The following DMD variants were observed in gnomAD, a reference collection of about 807,000 sequenced individuals.
DMD encodes dystrophin, also known as mutant dystrophin.
In DMD, 63 loss-of-function variants were observed where a neutral mutation model predicts 330.1. The ratio of observed to expected loss-of-function variants is 0.19; its 90% confidence interval spans 0.16 to 0.24. DMD has a LOEUF of 0.24. Among genes scored for constraint, DMD ranks in the 10% least tolerant of loss-of-function variants. DMD has a pLI of 1.00. For synonymous variants in DMD, 1,223 were observed against 959.8 expected, an observed-to-expected ratio of 1.27 and a Z score of -5.07; for missense variants, 3,344 against 2,684.1, an observed-to-expected ratio of 1.25 and a Z score of -5.43.
chrX:33,031,433 G>A (rs17338974), intron 1 of DMD, among the ~76,000 whole-genome samples: 4,012 of 110,929 alleles, frequency 0.036, 124 homozygotes, highest in East Asian at 0.22. Flanking sequence ...GTGGAATTTG[G>A]GCCCACATTT....
intron 1 of DMD, among the ~76,000 whole-genome samples, chrX:33,023,005 T>C (rs1244167374): frequency 1.8e-5 from 2 of 111,698 alleles, no homozygotes; most frequent in Non-Finnish European, 3.8e-5. Context: ...TAATGAGCCT[T>C]CTTTAATGGT....
At chrX:32,359,654 T>G (rs775896741) in intron 37 of DMD, among the ~76,000 whole-genome samples, 104 of 111,585 alleles carry the variant, frequency 9.3e-4, no homozygotes, top group African/African-American at 3.1e-3. Context: ...TGTTTTCAAT[T>G]TCTTATTGTA....
intron 2 of DMD, among the ~76,000 whole-genome samples, chrX:32,943,053 G>GA (rs1464591193): frequency 9.0e-6 from 1 of 111,477 alleles, no homozygotes; most frequent in Non-Finnish European, 1.9e-5. Flanking sequence ...AGAGACTGTA[G>GA]ACCATGAAAA....
chrX:32,735,447 C>T (rs1193010793), intron 7 of DMD, among the ~76,000 whole-genome samples: 17 of 110,850 alleles, frequency 1.5e-4, no homozygotes, highest in Non-Finnish European at 3.2e-4. Flanking sequence ...AAAAAGAGCC[C>T]GCATCACCAA....
chrX:33,161,551 A>G (rs1044899924), intron 1 of DMD, among the ~76,000 whole-genome samples: 1 of 111,544 alleles, frequency 9.0e-6, no homozygotes. Context: ...TACGTGACTA[A>G]TGAGTGACAA....
At position 32,746,771 on chromosome X, in the gene DMD, C is replaced by A. The variant is rs950340816; in HGVS notation, c.650-47478G>T. ...AATAAATTACTGTTAACTGAAGTTA[C>A]CTTACAGTGCTTTAGAACACTAGTA... On this transcript the variant is annotated intron_variant, in intron 7 of 78. Coordinates refer to ENST00000357033, the MANE Select transcript of DMD (RefSeq NM_004006.3). Among the ~76,000 whole-genome samples, 5 of 111,404 alleles carry A rather than the reference C, an allele frequency of 4.5e-5. No individual in the cohort carries two copies. In the Admixed American group the frequency reaches 4.8e-4, roughly 11 times the overall value.
chrX:32,657,811 T>C (rs2060682835), intron 9 of DMD, among the ~76,000 whole-genome samples: 1 of 111,818 alleles, frequency 8.9e-6, no homozygotes, highest in Non-Finnish European at 1.9e-5. Flanking sequence ...ATCCTAAGTT[T>C]AACAATTTTA....
intron 1 of DMD, among the ~76,000 whole-genome samples, chrX:33,309,814 C>T (rs1266734759): frequency 9.1e-6 from 1 of 110,372 alleles, no homozygotes; most frequent in Admixed American, 9.8e-5. Flanking sequence ...ATTATTATTA[C>T]AAAATTATAA....
rs753756054 is a variant in DMD at position 31,169,620 on chromosome X, G to T, written c.10395-19C>A. ...ATCATCTCTGGAAAATAAAATCAAA[G>T]GTTTTGGTTTTTTCCCCCCCTTATT... On this transcript the variant is annotated intron_variant, in intron 73 of 78. Transcript: ENST00000357033. The T allele has an allele frequency of 5.1e-6, 6 of 1,185,797 alleles. No homozygotes were observed. The highest frequency in any genetic ancestry group is 6.8e-6 in the Non-Finnish European group (6 of 880,552).
chrX:32,306,049 T>G (rs1348316300), intron 42 of DMD, among the ~76,000 whole-genome samples: 2 of 109,816 alleles, frequency 1.8e-5, no homozygotes, highest in African/African-American at 3.3e-5. Context: ...GATTCTGGTT[T>G]TTTTTTTTTT....
At chrX:32,900,953 T>C (rs1433658171) in intron 2 of DMD, among the ~76,000 whole-genome samples, 1 of 111,240 alleles carries the variant, frequency 9.0e-6, no homozygotes, top group African/African-American at 3.3e-5. Flanking sequence ...TGAAAATGCT[T>C]GTTATATAGA....
At chrX:32,353,730 G>A (rs1276973907) in intron 37 of DMD, among the ~76,000 whole-genome samples, 1 of 110,896 alleles carries the variant, frequency 9.0e-6, no homozygotes, top group Non-Finnish European at 1.9e-5. Context: ...GCATGACTGT[G>A]CAGTCATACA....
chrX:32,517,296 T>C (rs1284807623), intron 18 of DMD: 1 of 112,279 alleles, frequency 8.9e-6, no homozygotes, highest in Non-Finnish European at 1.9e-5. Flanking sequence ...TTGCCAATCA[T>C]ATACAAAGAT....
intron 4 of DMD, among the ~76,000 whole-genome samples, chrX:32,835,801 A>C (rs1362868424): frequency 9.0e-6 from 1 of 111,639 alleles, no homozygotes; most frequent in Non-Finnish European, 1.9e-5. Flanking sequence ...CCTAAGGAAA[A>C]GAGAGAAGAC....
chrX:32,192,143 C>T lies in DMD; in HGVS notation c.6438+24773G>A, dbSNP rs540217255. Among the ~76,000 whole-genome samples the T allele has an allele frequency of 4.5e-5, 5 of 111,565 alleles. No individual in the cohort carries two copies. The South Asian group carries it at 1.9e-3, about 42-fold the overall frequency. Reference sequence around the variant, plus strand: ...GCACAGGTATTCTTAACATGGATGCCGGGTCTGGGCCTCAAGAAGAATCCC... The same window carrying T: ...GCACAGGTATTCTTAACATGGATGCTGGGTCTGGGCCTCAAGAAGAATCCC... On this transcript the variant is annotated intron_variant, in intron 44 of 78. Transcript: ENST00000357033.
At chrX:32,225,772 T>G (rs1047438488) in intron 43 of DMD, among the ~76,000 whole-genome samples, 4 of 103,935 alleles carry the variant, frequency 3.8e-5, no homozygotes, top group Non-Finnish European at 7.8e-5. Flanking sequence ...TGCCTACACC[T>G]GCTCTGCCTT....
At chrX:31,547,487 C>T (rs1181912628) in intron 55 of DMD, among the ~76,000 whole-genome samples, 1 of 111,874 alleles carries the variant, frequency 8.9e-6, no homozygotes, top group Non-Finnish European at 1.9e-5. Flanking sequence ...AATATATCTT[C>T]GGGGAAAGCT....
chrX:31,290,172 C>T (rs765190314), intron 62 of DMD, among the ~76,000 whole-genome samples: 55 of 110,215 alleles, frequency 5.0e-4, no homozygotes, highest in African/African-American at 1.8e-3. Context: ...CTACCCGCCT[C>T]GGCCTCCCAA....
rs377344728 is a variant in DMD, at chrX:32,405,944, G to C, written c.4233+5808C>G. On this transcript the variant is annotated intron_variant, in intron 30 of 78. Coordinates refer to ENST00000357033, the MANE Select transcript of DMD (RefSeq NM_004006.3). Reference sequence around the variant, plus strand: ...TTATTTCATTGAGCAGTGGTTTGTAGTTCTCCTTGAAGAGGTCCTTCACAT... The same window carrying C: ...TTATTTCATTGAGCAGTGGTTTGTACTTCTCCTTGAAGAGGTCCTTCACAT... 1.5e-3 allele frequency among the ~76,000 whole-genome samples: 163 copies of C among 111,042 alleles called. 1 individual carries two copies. Among genetic ancestry groups the C allele is most frequent in the African/African-American group, 5.0e-3 (153 of 30,604 alleles).
Sources: gnomAD v4.1 joint callset for allele counts (sites outside exome capture counted in the v4.1 genomes callset) on GRCh38, gnomAD v4.1.1 for gene constraint, MANE v1.5 for transcripts, NCBI Gene and HGNC (gene_info 2026-07-23, HGNC 2026-07-21) for gene names.